CUL3: variants seen among roughly 807,000 people sequenced by gnomAD.
The protein encoded by CUL3 is cullin 3.
A neutral mutation model predicts 89.1 loss-of-function variants in CUL3; 19 were observed. The observed-to-expected ratio is 0.21, with a 90% confidence interval of 0.15 to 0.31. The LOEUF (loss-of-function observed/expected upper bound fraction) is 0.31, where lower values mean the gene tolerates loss of function less well. CUL3 is among the 10% of genes least tolerant of loss of function. The probability of loss-of-function intolerance (pLI) is 1.00; values close to 1 mark genes in which losing one functional copy is unlikely to be tolerated. For synonymous variants in CUL3, 351 were observed against 308.4 expected (o/e 1.14, Z -1.45); for missense variants, 469 against 942.3 (o/e 0.50, Z 6.58).
chr2:224,474,419 A>C, intron 15 of CUL3, 43 bp from the exon 16 acceptor site: 4 of 1,559,908 alleles, frequency 2.6e-6, no homozygotes, highest in Non-Finnish European at 3.5e-6. Context: ...AACACATAAA[A>C]ATTCGTATCT....
chr2:224,528,113 T>C (rs769193021), intron 3 of CUL3, among the ~76,000 whole-genome samples: 2 of 152,196 alleles, frequency 1.3e-5, no homozygotes, highest in Non-Finnish European at 2.9e-5. Flanking sequence ...ATTGCTGCTG[T>C]AAAAATTACC....
intron 5 of CUL3, among the ~76,000 whole-genome samples, chr2:224,513,071 G>C (rs1692899422): frequency 6.6e-6 from 1 of 152,198 alleles, no homozygotes; most frequent in Non-Finnish European, 1.5e-5. Flanking sequence ...CCGTGTAATG[G>C]TGTTAATAAC....
intron 1 of CUL3, among the ~76,000 whole-genome samples, chr2:224,567,184 C>A (rs774369168): frequency 3.3e-5 from 5 of 152,264 alleles, no homozygotes; most frequent in Non-Finnish European, 5.9e-5. Context: ...AAACTGCTCA[C>A]ACGAAGATGA....
chr2:224,478,038 A>G (rs1480016410), intron 15 of CUL3, among the ~76,000 whole-genome samples, 162 bp downstream of exon 15: 2 of 152,248 alleles, frequency 1.3e-5, no homozygotes, highest in Non-Finnish European at 2.9e-5. Context: ...ATTTGGATGT[A>G]TCACCATGTT....
chr2:224,502,839 G>T, intron 10 of CUL3, 126 bp downstream of exon 10: 1 of 671,142 alleles, frequency 1.5e-6, no homozygotes, highest in Non-Finnish European at 2.6e-6. Context: ...AGTACTCACA[G>T]ATAAAACACA....
rs777324032 is a variant in CUL3 at position 224,522,827 on chromosome 2, C to CAAAAAAAAAAAAAA, written c.379-8056_379-8055insTTTTTTTTTTTTTT. On this transcript the variant is annotated intron_variant, in intron 3 of 15. Coordinates refer to ENST00000264414, the MANE Select transcript of CUL3 (RefSeq NM_003590.5). ...TGGGTGACAGCGTGAGACACCGTCT[C>CAAAAAAAAAAAAAA]AAAAAAACAATCCTTCTCAGGGGTC... 2.1e-4 allele frequency among the ~76,000 whole-genome samples: 31 copies of CAAAAAAAAAAAAAA among 147,584 alleles called. 1 individual carries two copies. The highest frequency in any genetic ancestry group is 2.7e-4 in the Admixed American group (4 of 14,784).
intron 13 of CUL3, among the ~76,000 whole-genome samples, chr2:224,490,847 G>A (rs1409835682): frequency 6.6e-6 from 1 of 152,010 alleles, no homozygotes; most frequent in Non-Finnish European, 1.5e-5. Context: ...TTTAATAACA[G>A]AGAATACAAC....
At chr2:224,507,845 A>G (rs72972378) in intron 6 of CUL3, among the ~76,000 whole-genome samples, 43,834 of 152,048 alleles carry the variant, frequency 0.29, 6,653 homozygotes, top group Middle Eastern at 0.4. Flanking sequence ...CTTTACAATG[A>G]TAATTTTAAA....
At chr2:224,542,145 G>T (rs1011162601) in intron 2 of CUL3, among the ~76,000 whole-genome samples, 1 of 152,036 alleles carries the variant, frequency 6.6e-6, no homozygotes, top group African/African-American at 2.4e-5. Context: ...ATTCATAAAA[G>T]CAATTTTAAT....
chr2:224,483,843 G>A (rs1310717049), intron 13 of CUL3, among the ~76,000 whole-genome samples: 1 of 152,150 alleles, frequency 6.6e-6, no homozygotes, highest in African/African-American at 2.4e-5. Context: ...ACGAAAGCCT[G>A]TTTTTCAAAA....
intron 8 of CUL3, 159 bp from the exon 9 acceptor site, chr2:224,503,981 T>TCA: frequency 1.8e-6 from 1 of 554,920 alleles, no homozygotes; most frequent in South Asian, 2.7e-5. Context: ...GTCTCCTACT[T>TCA]CACACAGTAG....
At chr2:224,513,847 A>T (rs1559158416) in intron 4 of CUL3, among the ~76,000 whole-genome samples, 3 of 152,194 alleles carry the variant, frequency 2.0e-5, no homozygotes, top group Non-Finnish European at 4.4e-5. Flanking sequence ...ATTTCTCTCA[A>T]GGTGTTCTTA....
At chr2:224,525,884 GC>G (rs1409546411) in intron 3 of CUL3, among the ~76,000 whole-genome samples, 1 of 152,198 alleles carries the variant, frequency 6.6e-6, no homozygotes, top group Non-Finnish European at 1.5e-5. Flanking sequence ...AAACTTAAGA[GC>G]TAAAAGGGCT....
chr2:224,580,880 G>GT (rs1695419311), intron 1 of CUL3, among the ~76,000 whole-genome samples: 1 of 118,028 alleles, frequency 8.5e-6, no homozygotes. Context: ...GAGTGCTTGA[G>GT]ATTTTTTTTT....
intron 3 of CUL3, among the ~76,000 whole-genome samples, chr2:224,523,679 A>G (rs1203522826): frequency 1.3e-5 from 2 of 152,246 alleles, no homozygotes; most frequent in Non-Finnish European, 2.9e-5. Context: ...GTCCATCAAC[A>G]GATGAACAGA....
rs530132861 is a variant in CUL3 at position 224,525,575 on chromosome 2, T to C, written c.378+9953A>G. Among the ~76,000 whole-genome samples, 9 of 152,328 alleles carry C rather than the reference T, an allele frequency of 5.9e-5. 2 individuals carry two copies. Among genetic ancestry groups the C allele is most frequent in the African/African-American group, 2.2e-4 (9 of 41,580 alleles). On this transcript the variant is annotated intron_variant, in intron 3 of 15. Coordinates refer to ENST00000264414, the MANE Select transcript of CUL3 (RefSeq NM_003590.5). ...ACAATAAATTTTTTTGTTTTATTGA[T>C]CTCCTAAAGTATTGCTTAAAAATAA...
At position 224,554,950 on chromosome 2, in the gene CUL3, C is replaced by A. The variant is rs548762086; in HGVS notation, c.264+2709G>T. Among the ~76,000 whole-genome samples, 19 of 152,254 alleles carry A rather than the reference C, an allele frequency of 1.2e-4. No individual in the cohort carries two copies. The South Asian group carries it at 3.9e-3, about 32-fold the overall frequency. ...CTTTTCCATTTCCCACACCTACTTA[C>A]TATAGTTTGCTCCTAAGATTCATCC... On this transcript the variant is annotated intron_variant, in intron 2 of 15. Coordinates refer to ENST00000264414, the MANE Select transcript of CUL3 (RefSeq NM_003590.5).
chr2:224,577,586 G>C (rs1695332565), intron 1 of CUL3, among the ~76,000 whole-genome samples: 1 of 148,736 alleles, frequency 6.7e-6, no homozygotes, highest in Non-Finnish European at 1.5e-5. Context: ...AAAAAAAAAG[G>C]TGATGCAGCT....
At chr2:224,562,495 G>A (rs373627118) in intron 1 of CUL3, among the ~76,000 whole-genome samples, 44 of 152,010 alleles carry the variant, frequency 2.9e-4, no homozygotes, top group Middle Eastern at 3.4e-3. Context: ...AAAAATAGCC[G>A]GATGTGGTGG....
Sources: gnomAD v4.1 joint callset for allele counts (sites outside exome capture counted in the v4.1 genomes callset) on GRCh38, gnomAD v4.1.1 for gene constraint, MANE v1.5 for transcripts, NCBI Gene and HGNC (gene_info 2026-07-23, HGNC 2026-07-21) for gene names.